The following GPHN variants were observed in gnomAD, a reference collection of about 807,000 sequenced individuals.
GPHN encodes gephyrin.
GPHN carries 17 observed loss-of-function variants against 95.5 expected under a neutral mutation model. The ratio of observed to expected loss-of-function variants is 0.18; its 90% confidence interval spans 0.12 to 0.27. GPHN has a LOEUF of 0.27. GPHN is among the 10% of genes least tolerant of loss of function. The pLI, the probability that GPHN is intolerant of heterozygous loss-of-function variation, is 1.00. For missense variants in GPHN, 660 were observed against 978.1 expected (o/e 0.67, Z 4.34); for synonymous variants, 320 against 322.5 (o/e 0.99, Z 0.08).
the GPHN span, chr14:67,447,660 G>C: frequency 1.3e-5 from 2 of 152,172 alleles, no homozygotes; most frequent in Non-Finnish European, 2.9e-5. Flanking sequence ...GTACAGACCG[G>C]CTTCTGTGAG....
At chr14:67,406,491 GT>G in the GPHN span, among the ~76,000 whole-genome samples, 1 of 152,068 alleles carries the variant, frequency 6.6e-6, no homozygotes, top group Non-Finnish European at 1.5e-5. Context: ...GAGACTCCCC[GT>G]GGTTCTATAT....
chr14:67,114,245 T>TTTTAATA (rs1257414718), intron 16 of GPHN, among the ~76,000 whole-genome samples: 1 of 152,238 alleles, frequency 6.6e-6, no homozygotes, highest in Non-Finnish European at 1.5e-5. Flanking sequence ...ATAGTAATGA[T>TTTTAATA]TTTAATATCC....
chr14:67,562,176 C>A, the GPHN span: 34 of 1,611,478 alleles, frequency 2.1e-5, no homozygotes, highest in Non-Finnish European at 2.8e-5. Context: ...CTGGTGCCCC[C>A]CTACGGAGCT....
the GPHN span, among the ~76,000 whole-genome samples, chr14:67,330,169 T>C: frequency 4.9e-3 from 733 of 149,500 alleles, 3 homozygotes; most frequent in Non-Finnish European, 7.0e-3. Context: ...TTATTATTAT[T>C]ATCAAAAGGA....
At chr14:67,029,966 T>C (rs564248941) in intron 10 of GPHN, among the ~76,000 whole-genome samples, 11 of 150,256 alleles carry the variant, frequency 7.3e-5, no homozygotes, top group Non-Finnish European at 1.5e-5. Flanking sequence ...TGTTTGCATT[T>C]TCTCCAGCTT....
Position 67,073,478 on chromosome 14 carries a change from G to A in GPHN, c.1144+14692G>A, listed in dbSNP as rs114759914. ...TTTAAAAATTATTCTTCCTAAAAAC[G>A]TACCCCTTTCATGTTAATTAAGTTA... On this transcript the variant is annotated intron_variant, in intron 11 of 22. Transcript: ENST00000478722. 7.1e-3 allele frequency among the ~76,000 whole-genome samples: 1,084 copies of A among 152,056 alleles called. 5 individuals are homozygous for A. The highest frequency in any genetic ancestry group is 0.025 in the African/African-American group (1,033 of 41,476).
the GPHN span, chr14:67,649,552 G>A: frequency 6.6e-6 from 1 of 152,102 alleles, no homozygotes; most frequent in East Asian, 1.9e-4. Flanking sequence ...GACCACTTCT[G>A]GGATATGCTA....
At chr14:67,544,225 A>G in the GPHN span, among the ~76,000 whole-genome samples, 5 of 152,214 alleles carry the variant, frequency 3.3e-5, no homozygotes, top group African/African-American at 1.2e-4. Context: ...AGCTTCTCAG[A>G]CTTAGTTAAG....
chr14:66,975,188 C>T (rs1279180059), intron 9 of GPHN, among the ~76,000 whole-genome samples: 1 of 152,130 alleles, frequency 6.6e-6, no homozygotes, highest in African/African-American at 2.4e-5. Context: ...AGTTTTTTCA[C>T]CAACCCGTAT....
chr14:66,557,210 T>C (rs983452524), intron 1 of GPHN, among the ~76,000 whole-genome samples: 4 of 144,828 alleles, frequency 2.8e-5, no homozygotes, highest in African/African-American at 7.8e-5. Context: ...CTGTCTGAAA[T>C]AGATAGATAG....
the GPHN span, chr14:67,380,858 C>T: frequency 1.7e-6 from 1 of 586,532 alleles, no homozygotes; most frequent in Non-Finnish European, 2.7e-6. Flanking sequence ...GTTGCTACAT[C>T]AACATCTATA....
chr14:66,882,734 C>T (rs2063988205), intron 5 of GPHN, among the ~76,000 whole-genome samples: 1 of 151,430 alleles, frequency 6.6e-6, no homozygotes, highest in South Asian at 2.1e-4. Context: ...TAGAGTAGGT[C>T]TGCTGGTGAA....
the GPHN span, among the ~76,000 whole-genome samples, chr14:67,655,413 ACAG>A: frequency 3.3e-5 from 5 of 152,350 alleles, no homozygotes; most frequent in Admixed American, 1.3e-4. Flanking sequence ...TCTCAGAGTG[ACAG>A]CAGACTAGAG....
chr14:67,309,983 A>T, the GPHN span, among the ~76,000 whole-genome samples: 1 of 151,480 alleles, frequency 6.6e-6, no homozygotes, highest in Non-Finnish European at 1.5e-5. Context: ...CCATTTTTAG[A>T]TTCTCAAGGT....
At chr14:67,146,423 C>T (rs1342574297) in intron 18 of GPHN, among the ~76,000 whole-genome samples, 2 of 152,180 alleles carry the variant, frequency 1.3e-5, no homozygotes, top group African/African-American at 2.4e-5. Flanking sequence ...ACTAAAGAAT[C>T]ATATGCATTA....
At chr14:67,313,362 G>A in the GPHN span, among the ~76,000 whole-genome samples, 3 of 152,298 alleles carry the variant, frequency 2.0e-5, no homozygotes, top group African/African-American at 7.2e-5. Flanking sequence ...ATCACTGAGT[G>A]TATTTACACA....
chr14:66,953,651 C>T (rs540966252), intron 8 of GPHN, among the ~76,000 whole-genome samples: 2 of 152,288 alleles, frequency 1.3e-5, no homozygotes, highest in South Asian at 2.1e-4. Context: ...GTGCTTATTT[C>T]TGGACCCTCA....
chr14:66,653,370 A>C (rs1182365613), intron 1 of GPHN, among the ~76,000 whole-genome samples: 1 of 152,154 alleles, frequency 6.6e-6, no homozygotes, highest in Non-Finnish European at 1.5e-5. Context: ...TGATTTTTTA[A>C]TTAAACTTTT....
chr14:67,276,325 G>A, the GPHN span, among the ~76,000 whole-genome samples: 1 of 152,120 alleles, frequency 6.6e-6, no homozygotes, highest in South Asian at 2.1e-4. Flanking sequence ...TTCTGAAAGT[G>A]CCATTCTGTC....
Sources: gnomAD v4.1 joint callset for allele counts (sites outside exome capture counted in the v4.1 genomes callset) on GRCh38, gnomAD v4.1.1 for gene constraint, MANE v1.5 for transcripts, NCBI Gene and HGNC (gene_info 2026-07-23, HGNC 2026-07-21) for gene names.